Variants in PARP12 observed in about 807,000 individuals in gnomAD.
PARP12 encodes the protein poly(ADP-ribose) polymerase family member 12.
Under a neutral mutation model 72.4 loss-of-function variants are expected in PARP12, and 59 were observed. The observed-to-expected ratio is 0.81, with a 90% CI of 0.66 to 1.01. The LOEUF is 1.01. Ranked by LOEUF, PARP12 falls within the 50% of genes least tolerant of loss-of-function variation. PARP12 has a pLI of 0.00. For missense variants in PARP12, 851 were observed against 914.0 expected, an observed-to-expected ratio of 0.93 and a Z score of 0.89; for synonymous variants, 403 against 371.4, an observed-to-expected ratio of 1.09 and a Z score of -0.98.
intron 7 of PARP12, 85 bp from the exon 8 acceptor site, chr7:140,034,416 A>G: frequency 1.7e-6 from 2 of 1,168,674 alleles, no homozygotes; most frequent in Admixed American, 2.2e-5. Context: ...CACAAATTAG[A>G]TAGATTTGAA....
chr7:140,028,467 A>G, intron 9 of PARP12, 146 bp downstream of exon 9: 1 of 642,460 alleles, frequency 1.6e-6, no homozygotes. Context: ...AAACAAAAAT[A>G]AAGCCCACAT....
Position 140,024,472 on chromosome 7 carries a change from TAA to T in PARP12, c.*86_*87del, listed in dbSNP as rs1569526151. 1 of 1,313,496 alleles carries T rather than the reference TAA, an allele frequency of 7.6e-7. No homozygotes were observed. The highest frequency in any genetic ancestry group is 1.9e-5 in the Admixed American group (1 of 52,150). 81.4% of individuals were successfully genotyped at this position (1,313,496 alleles called of 1,614,324 possible). A position where few individuals can be genotyped will look rare whatever the true frequency, so the allele number is the denominator to read the frequency against. ...GGTCAATGTTAAGAGAACAGTTCATTAAAAGTTTCTGTTTAAAAAGAAAAGGA... is the reference window on the plus strand; with the variant it reads ...GGTCAATGTTAAGAGAACAGTTCATTAAGTTTCTGTTTAAAAAGAAAAGGA... On this transcript the variant is annotated 3_prime_UTR_variant, in exon 12 of 12. Transcript: ENST00000263549.
intron 2 of PARP12, 153 bp from the exon 3 acceptor site, chr7:140,057,306 A>G (rs1585115892): frequency 2.7e-6 from 2 of 742,670 alleles, no homozygotes; most frequent in East Asian, 2.5e-5. Flanking sequence ...ACTCTAGATG[A>G]CGGCTGCTAA....
chr7:140,052,221 T>G (rs1414840122), intron 4 of PARP12, among the ~76,000 whole-genome samples: 1 of 152,252 alleles, frequency 6.6e-6, no homozygotes, highest in African/African-American at 2.4e-5. Flanking sequence ...GTGGAAAGTT[T>G]GCTCAAATTT....
chr7:140,053,952 T>C (rs1350597073), intron 4 of PARP12, among the ~76,000 whole-genome samples: 1 of 152,250 alleles, frequency 6.6e-6, no homozygotes, highest in Non-Finnish European at 1.5e-5. Context: ...CTTCACTCTG[T>C]ATTACTGAAC....
At chr7:140,025,140 T>A in intron 11 of PARP12, 1 of 498,744 alleles carries the variant, frequency 2.0e-6, no homozygotes, top group East Asian at 3.7e-5. Flanking sequence ...AAGTTCCGGA[T>A]CTGCCCCACG....
At chr7:140,034,380 C>A (rs1427903103) in intron 7 of PARP12, 49 bp from the exon 8 acceptor site, 1 of 1,426,430 alleles carries the variant, frequency 7.0e-7, no homozygotes, top group South Asian at 1.2e-5. Flanking sequence ...CATATACATA[C>A]ACACAGGATG....
Position 140,062,566 on chromosome 7 carries a change from G to A in PARP12, c.282C>T (p.Leu94=), listed in dbSNP as rs755944754. The A allele has an allele frequency of 3.2e-6, 5 of 1,554,256 alleles. No homozygotes were observed. The South Asian group carries it at 3.5e-5, about 11-fold the overall frequency. ...GCVGLCAQLH[L]CRFMVYGACK... Reference sequence around the variant, plus strand: ...AGGCGCCGTAGACCATGAACCTGCAGAGGTGGAGCTGCGCGCAGAGCCCCA... The same window carrying A: ...AGGCGCCGTAGACCATGAACCTGCAAAGGTGGAGCTGCGCGCAGAGCCCCA... Residue 94 remains leucine, a synonymous_variant, in exon 1 of 12, where the codon CTC becomes CTT. Transcript: ENST00000263549.
rs1354512201 is a variant in PARP12 at position 140,034,235 on chromosome 7, C to T, written c.1421G>A (p.Cys474Tyr). ...TACCAAGCCCCCCACTGCAACCTAC[C>T]AGGTTTGCATGGTCGTCACATCCTG... ...SPQDVTTMQT[C>Y]NTKFPGPKSI... is the part of the protein sequence containing the mutation. The change falls in exon 8 of 12, where the codon TGC becomes TAC. Residue 474 changes from cysteine to tyrosine, a missense_variant and splice_region_variant. Cys to Tyr is a radical substitution (Grantham distance 194, BLOSUM62 -2). Coordinates refer to ENST00000263549, the MANE Select transcript of PARP12 (RefSeq NM_022750.4). The T allele has an allele frequency of 6.2e-7, 1 of 1,612,026 alleles. No homozygotes were observed. Among genetic ancestry groups the T allele is most frequent in the Non-Finnish European group, 8.5e-7 (1 of 1,178,708 alleles).
intron 4 of PARP12, among the ~76,000 whole-genome samples, 196 bp downstream of exon 4, chr7:140,054,466 T>C (rs1817099606): frequency 6.6e-6 from 1 of 152,238 alleles, no homozygotes; most frequent in Non-Finnish European, 1.5e-5. Flanking sequence ...ATTTAATTTC[T>C]GAAAACTCAA....
intron 4 of PARP12, among the ~76,000 whole-genome samples, chr7:140,053,312 T>C (rs1325730679): frequency 1.3e-5 from 2 of 152,096 alleles, no homozygotes; most frequent in Non-Finnish European, 2.9e-5. Context: ...CTCAAAAACA[T>C]GCTGATGAGA....
At chr7:140,042,599 CAA>C (rs1376295065) in intron 5 of PARP12, among the ~76,000 whole-genome samples, 4 of 152,170 alleles carry the variant, frequency 2.6e-5, no homozygotes, top group Admixed American at 1.3e-4. Context: ...GGCTGAATCT[CAA>C]AAGAGATACC....
rs762814519 is a variant in PARP12, at chr7:140,057,038, G to A, written c.578C>T (p.Thr193Ile). Residue 193 changes from threonine to isoleucine, a missense_variant, in exon 3 of 12, where the codon ACT becomes ATT. Physicochemically the swap from Thr to Ile is moderately conservative, Grantham distance 89. This residue lies in a region of PARP12 where 492 missense variants were observed against 489.3 expected (regional missense o/e 1.01). Transcript: ENST00000263549. ...GAAATCATGGGATCTCTTACAGCTA[G>A]TGCCAAACTTGCATTCCCCCTGTAA... The part of the protein sequence containing the change: ...YFLQGECKFG[T>I]SCKRSHDFSN... 1.3e-5 allele frequency: 21 copies of A among 1,614,246 alleles called. No homozygotes were observed. The highest frequency in any genetic ancestry group is 1.8e-5 in the Non-Finnish European group (21 of 1,180,046).
intron 4 of PARP12, among the ~76,000 whole-genome samples, chr7:140,047,627 C>CT (rs1010889035): frequency 7.3e-5 from 11 of 149,790 alleles, no homozygotes; most frequent in South Asian, 6.4e-4. Flanking sequence ...CAGGACCTTA[C>CT]TTTTTTTTTT....
chr7:140,053,858 T>C (rs1305326995), intron 4 of PARP12, among the ~76,000 whole-genome samples: 7 of 152,348 alleles, frequency 4.6e-5, no homozygotes, highest in African/African-American at 1.4e-4. Context: ...CACATGCTCC[T>C]ATCTGTTTAA....
chr7:140,034,843 G>C (rs970649764), intron 7 of PARP12: 12 of 153,552 alleles, frequency 7.8e-5, no homozygotes, highest in African/African-American at 2.9e-4. Flanking sequence ...CTCATCCTGA[G>C]GATTTGGGGT....
intron 5 of PARP12, among the ~76,000 whole-genome samples, chr7:140,043,128 A>C (rs921128990): frequency 6.6e-6 from 1 of 152,206 alleles, no homozygotes; most frequent in Non-Finnish European, 1.5e-5. Context: ...CAGGAGGCGG[A>C]GCTTGCAGTG....
chr7:140,062,714 T>A lies in PARP12; in HGVS notation c.134A>T (p.Gln45Leu). 7.4e-7 allele frequency: 1 copy of A among 1,344,308 alleles called. No individual in the cohort carries two copies. Among genetic ancestry groups the A allele is most frequent in the Non-Finnish European group, 9.6e-7 (1 of 1,041,672 alleles). 83.3% of individuals were successfully genotyped at this position (1,344,308 alleles called of 1,614,324 possible). Residue 45 changes from glutamine to leucine, a missense_variant, in exon 1 of 12, where the codon CAG (glutamine) becomes CTG (leucine). Transcript: ENST00000263549. ...CACCGCCACCACGAAGCGCCCACGC[T>A]GCCGCAGCAGCCGCTCCAGCGCGTC... ...SADALERLLRQRGRFVVAVRA... is the reference protein window; with the variant it reads ...SADALERLLRLRGRFVVAVRA...
At chr7:140,046,462 G>GTATA (rs893116668) in intron 5 of PARP12, among the ~76,000 whole-genome samples, 1 of 152,212 alleles carries the variant, frequency 6.6e-6, no homozygotes, top group Non-Finnish European at 1.5e-5. Flanking sequence ...CGGTATGGCT[G>GTATA]TATAGGCCAA....
Sources: gnomAD v4.1 joint callset for allele counts (sites outside exome capture counted in the v4.1 genomes callset) on GRCh38, gnomAD v4.1.1 for gene constraint, gnomAD v4.1.1 regional missense constraint, MANE v1.5 for transcripts, NCBI Gene and HGNC (gene_info 2026-07-23, HGNC 2026-07-21) for gene names.